The following CRTAM variants were observed in gnomAD, a reference collection of about 807,000 sequenced individuals.
CRTAM encodes the protein cytotoxic and regulatory T-cell molecule.
Under a neutral mutation model 50.0 loss-of-function variants are expected in CRTAM, and 44 were observed. The observed-to-expected ratio is 0.88, with a 90% CI of 0.69 to 1.13. The LOEUF is 1.13. Among genes scored for constraint, CRTAM ranks in the 50% most tolerant of loss-of-function variants. CRTAM has a pLI of 0.00. For missense variants in CRTAM, 448 were observed against 457.5 expected, an observed-to-expected ratio of 0.98 and a Z score of 0.19; for synonymous variants, 159 against 169.3, an observed-to-expected ratio of 0.94 and a Z score of 0.47.
At chr11:122,861,543 C>A (rs1862082959) in intron 5 of CRTAM, among the ~76,000 whole-genome samples, 1 of 145,602 alleles carries the variant, frequency 6.9e-6, no homozygotes, top group South Asian at 2.2e-4. Context: ...TCAAGCAATT[C>A]TCTTGCCTTA....
Position 122,871,302 on chromosome 11 carries a change from CAA to C in CRTAM, c.1087_1088del (p.Lys363ValfsTer60). 6.2e-7 allele frequency: 1 copy of C among 1,613,514 alleles called. No individual in the cohort carries two copies. The highest frequency in any genetic ancestry group is 8.5e-7 in the Non-Finnish European group (1 of 1,179,702). On this transcript the variant is annotated frameshift_variant, in exon 10 of 10. Transcript: ENST00000227348. LOFTEE classifies it high-confidence loss of function. ...CCTATGCGTTGCATGAACTACATCACAAAGTTGTACTCAGAAGCAAAAACAAA... is the reference window on the plus strand; with the variant it reads ...CCTATGCGTTGCATGAACTACATCACAGTTGTACTCAGAAGCAAAAACAAA...
chr11:122,862,340 G>T (rs1862096197), intron 5 of CRTAM, 124 bp from the exon 6 acceptor site: 1 of 687,080 alleles, frequency 1.5e-6, no homozygotes, highest in South Asian at 1.6e-5. Context: ...CACAGTTCTG[G>T]GGTTTCTGCA....
chr11:122,867,975 G>A (rs750102416), intron 8 of CRTAM, 38 bp from the exon 9 acceptor site: 5 of 1,194,702 alleles, frequency 4.2e-6, no homozygotes, highest in African/African-American at 1.5e-5. Context: ...CATGTCCATG[G>A]CATCAGAAAT....
At chr11:122,863,122 T>G (rs533066186) in intron 6 of CRTAM, among the ~76,000 whole-genome samples, 3 of 152,246 alleles carry the variant, frequency 2.0e-5, no homozygotes, top group African/African-American at 7.2e-5. Context: ...TTTTAGACAG[T>G]GAACTCACTA....
intron 7 of CRTAM, 116 bp downstream of exon 7, chr11:122,864,835 T>G (rs1487123801): frequency 6.9e-6 from 5 of 723,452 alleles, no homozygotes; most frequent in Non-Finnish European, 1.2e-5. Context: ...CTTTAGGACA[T>G]GATTGGTTAA....
chr11:122,858,327 T>C (rs1862031038), intron 5 of CRTAM, among the ~76,000 whole-genome samples: 2 of 151,970 alleles, frequency 1.3e-5, no homozygotes, highest in African/African-American at 4.8e-5. Context: ...CAGGCTCAAG[T>C]TGATCCTCCT....
chr11:122,842,559 G>T (rs759398548), intron 1 of CRTAM, among the ~76,000 whole-genome samples: 1 of 152,126 alleles, frequency 6.6e-6, no homozygotes, highest in African/African-American at 2.4e-5. Flanking sequence ...GATTACAGGC[G>T]TTGAGCCACC....
intron 1 of CRTAM, among the ~76,000 whole-genome samples, chr11:122,838,928 T>TATTTATTG (rs34601241): frequency 1.3e-5 from 2 of 152,036 alleles, no homozygotes; most frequent in African/African-American, 4.8e-5. Flanking sequence ...TATTTTATTT[T>TATTTATTG]ATTTATTTAT....
intron 1 of CRTAM, among the ~76,000 whole-genome samples, chr11:122,842,814 A>G (rs924853128): frequency 2.0e-5 from 3 of 152,184 alleles, no homozygotes; most frequent in African/African-American, 7.2e-5. Context: ...TGATGACATT[A>G]ATTTATATAA....
intron 1 of CRTAM, among the ~76,000 whole-genome samples, chr11:122,845,739 G>A (rs1861855467): frequency 6.6e-6 from 1 of 151,796 alleles, no homozygotes; most frequent in Admixed American, 6.6e-5. Context: ...GAGGGACATA[G>A]GGTAGAATAG....
intron 1 of CRTAM, among the ~76,000 whole-genome samples, chr11:122,846,168 C>T (rs773156523): frequency 1.4e-4 from 21 of 152,058 alleles, no homozygotes; most frequent in Non-Finnish European, 2.6e-4. Context: ...ATGTAGGGCA[C>T]GCCAAGTATG....
chr11:122,856,363 C>A, intron 5 of CRTAM, among the ~76,000 whole-genome samples: 1 of 152,186 alleles, frequency 6.6e-6, no homozygotes, highest in East Asian at 1.9e-4. Flanking sequence ...GAGTTGAACA[C>A]CATTTTAAAC....
rs550224202 is a variant in CRTAM at position 122,856,673 on chromosome 11, G to A, written c.652+817G>A. 2.4e-3 allele frequency among the ~76,000 whole-genome samples: 359 copies of A among 152,346 alleles called. 2 individuals are homozygous for A. The highest frequency in any genetic ancestry group is 4.4e-3 in the Non-Finnish European group (300 of 68,034). ...TATTGAAAAAGCTCTTTTATCAGAC[G>A]AAATCGCTGATGCTGAAAGGCAAGC... On this transcript the variant is annotated intron_variant, in intron 5 of 9. Coordinates refer to ENST00000227348, the MANE Select transcript of CRTAM (RefSeq NM_019604.4).
At chr11:122,848,360 T>A (rs1861891548) in intron 1 of CRTAM, among the ~76,000 whole-genome samples, 1 of 152,266 alleles carries the variant, frequency 6.6e-6, no homozygotes, top group Non-Finnish European at 1.5e-5. Context: ...TATGGATTGA[T>A]GTCACAGAGG....
At chr11:122,859,969 AT>A (rs1398482517) in intron 5 of CRTAM, among the ~76,000 whole-genome samples, 13 of 152,226 alleles carry the variant, frequency 8.5e-5, no homozygotes, top group African/African-American at 3.1e-4. Context: ...ATCTTTAAGC[AT>A]TTGGAGGTTG....
At position 122,862,559 on chromosome 11, in the gene CRTAM, C is replaced by G. The variant is rs1862101076; in HGVS notation, c.733+15C>G. 1 of 1,464,346 alleles carries G rather than the reference C, an allele frequency of 6.8e-7. No homozygotes were observed. Among genetic ancestry groups the G allele is most frequent in the Non-Finnish European group, 9.4e-7 (1 of 1,061,788 alleles). The allele number at this position is 1,464,346 out of a possible 1,614,324, so 90.7% of individuals were successfully genotyped here. On this transcript the variant is annotated intron_variant, in intron 6 of 9. Coordinates refer to ENST00000227348, the MANE Select transcript of CRTAM (RefSeq NM_019604.4). The stretch of plus-strand genomic sequence containing the variant: ...CACCAGTACTGGTAAGTGTCAAAAT[C>G]ATTCAAACTTGTTTTTAAAAAATCA...
intron 7 of CRTAM, 105 bp from the exon 8 acceptor site, chr11:122,867,304 C>A: frequency 2.0e-6 from 2 of 981,698 alleles, no homozygotes; most frequent in Non-Finnish European, 3.0e-6. Context: ...TCTGAGCTGT[C>A]TATTAGCTTA....
intron 1 of CRTAM, among the ~76,000 whole-genome samples, chr11:122,841,689 C>A (rs949917439): frequency 3.3e-5 from 5 of 152,006 alleles, no homozygotes; most frequent in Non-Finnish European, 7.4e-5. Flanking sequence ...TGTGAGCCAC[C>A]GAGCCCGGCC....
At chr11:122,845,610 G>C (rs182943766) in intron 1 of CRTAM, among the ~76,000 whole-genome samples, 1 of 152,130 alleles carries the variant, frequency 6.6e-6, no homozygotes, top group Non-Finnish European at 1.5e-5. Context: ...GGGAGGCTGA[G>C]GTAGGAGAAT....
Sources: gnomAD v4.1 joint callset for allele counts (sites outside exome capture counted in the v4.1 genomes callset) on GRCh38, gnomAD v4.1.1 for gene constraint, MANE v1.5 for transcripts, NCBI Gene and HGNC (gene_info 2026-07-23, HGNC 2026-07-21) for gene names.